The following LRRC4C variants were observed in gnomAD, a reference collection of about 807,000 sequenced individuals.
LRRC4C encodes leucine rich repeat containing 4C, also known as leucine-rich repeat-containing protein 4C.
A neutral mutation model predicts 33.6 loss-of-function variants in LRRC4C; 5 were observed. That is an observed-to-expected ratio of 0.15 (90% CI 0.08 to 0.31). The LOEUF is 0.31. Among genes scored for constraint, LRRC4C ranks in the 10% least tolerant of loss-of-function variants. The pLI, the probability that LRRC4C is intolerant of heterozygous loss-of-function variation, is 1.00. For missense variants in LRRC4C, 560 were observed against 796.7 expected (o/e 0.70, Z 3.58); for synonymous variants, 329 against 302.0 (o/e 1.09, Z -0.93).
At chr11:41,181,566 C>A (rs962337607) in intron 1 of LRRC4C, among the ~76,000 whole-genome samples, 1 of 152,184 alleles carries the variant, frequency 6.6e-6, no homozygotes, top group African/African-American at 2.4e-5. Flanking sequence ...GAAAGAGAGA[C>A]ATCTACCTTA....
At chr11:40,527,381 A>G (rs572455907) in intron 3 of LRRC4C, among the ~76,000 whole-genome samples, 1 of 152,188 alleles carries the variant, frequency 6.6e-6, no homozygotes, top group Non-Finnish European at 1.5e-5. Context: ...CCTTTGCAAA[A>G]TAATAGAGGA....
intron 3 of LRRC4C, among the ~76,000 whole-genome samples, chr11:40,454,560 T>A (rs1952045383): frequency 6.6e-6 from 1 of 152,200 alleles, no homozygotes; most frequent in African/African-American, 2.4e-5. Flanking sequence ...CTTGTGCGAT[T>A]CAACAACTTC....
Position 40,758,425 on chromosome 11 carries a change from T to C in LRRC4C, c.-406-110147A>G, listed in dbSNP as rs139170297. 8.7e-4 allele frequency among the ~76,000 whole-genome samples: 132 copies of C among 152,144 alleles called. No individual in the cohort carries two copies. The Middle Eastern group carries it at 0.01, about 12-fold the overall frequency. Reference sequence around the variant, plus strand: ...GTTCCTGTTTTAAGGATTTAAATAATTTAAATGCCCTCATTGACTGAAGAA... The same window carrying C: ...GTTCCTGTTTTAAGGATTTAAATAACTTAAATGCCCTCATTGACTGAAGAA... On this transcript the variant is annotated intron_variant, in intron 2 of 6. Transcript: ENST00000528697.
At chr11:40,193,711 T>A (rs2135643593) in intron 5 of LRRC4C, among the ~76,000 whole-genome samples, 1 of 152,134 alleles carries the variant, frequency 6.6e-6, no homozygotes, top group Middle Eastern at 3.4e-3. Context: ...AACCTTGATA[T>A]GAGGTTACAG....
rs375483877 is a variant in LRRC4C, at chr11:41,218,944, T to C, written c.-496+240487A>G. Among the ~76,000 whole-genome samples, 213 of 151,894 alleles carry C rather than the reference T, an allele frequency of 1.4e-3. 1 individual carries two copies. Among genetic ancestry groups the C allele is most frequent in the Middle Eastern group, 6.8e-3 (2 of 294 alleles). On this transcript the variant is annotated intron_variant, in intron 1 of 6. Coordinates refer to ENST00000528697, the MANE Select transcript of LRRC4C (RefSeq NM_001258419.2). ...CACCACGCCCGGCTAAATTTTTGTG[T>C]GTGTTTTTAGTAGAGACGGGGTTTC...
At chr11:40,348,195 G>T (rs1340012121) in intron 3 of LRRC4C, among the ~76,000 whole-genome samples, 1 of 127,272 alleles carries the variant, frequency 7.9e-6, no homozygotes, top group Non-Finnish European at 1.6e-5. Flanking sequence ...GTGACACAGA[G>T]ACATGTTATG....
chr11:40,722,620 A>C (rs1177082484), intron 2 of LRRC4C, among the ~76,000 whole-genome samples: 1 of 152,212 alleles, frequency 6.6e-6, no homozygotes, highest in Non-Finnish European at 1.5e-5. Flanking sequence ...ACTGACAACA[A>C]ATTTAAAAAG....
intron 1 of LRRC4C, among the ~76,000 whole-genome samples, chr11:41,193,209 G>T (rs1197986734): frequency 6.6e-6 from 1 of 152,042 alleles, no homozygotes; most frequent in Non-Finnish European, 1.5e-5. Context: ...TTGATGGTTT[G>T]TACCTGAAGT....
At chr11:40,710,153 G>A (rs1946386950) in intron 2 of LRRC4C, among the ~76,000 whole-genome samples, 1 of 152,150 alleles carries the variant, frequency 6.6e-6, no homozygotes, top group South Asian at 2.1e-4. Context: ...TTAGCTCGGA[G>A]AAGTTTGTTA....
intron 2 of LRRC4C, among the ~76,000 whole-genome samples, chr11:40,684,230 T>C (rs886444616): frequency 6.6e-6 from 1 of 151,932 alleles, no homozygotes; most frequent in Non-Finnish European, 1.5e-5. Context: ...CATAATTTAA[T>C]GAAAAGAGAA....
intron 2 of LRRC4C, among the ~76,000 whole-genome samples, chr11:40,825,033 A>G (rs1414170537): frequency 6.6e-6 from 1 of 151,974 alleles, no homozygotes; most frequent in Non-Finnish European, 1.5e-5. Flanking sequence ...GATGTTTATC[A>G]GTTATCCACT....
intron 3 of LRRC4C, among the ~76,000 whole-genome samples, chr11:40,599,044 T>C (rs1959684906): frequency 6.6e-6 from 1 of 152,188 alleles, no homozygotes; most frequent in Non-Finnish European, 1.5e-5. Flanking sequence ...TCTTCTTTTT[T>C]GTTTTTTGAA....
chr11:40,949,128 G>A (rs1490739450), intron 1 of LRRC4C, among the ~76,000 whole-genome samples: 16 of 151,796 alleles, frequency 1.1e-4, no homozygotes, highest in Admixed American at 2.6e-4. Context: ...GTGATGGTGA[G>A]CATTTTTTCA....
At chr11:40,795,691 T>C (rs1254304031) in intron 2 of LRRC4C, among the ~76,000 whole-genome samples, 2 of 152,182 alleles carry the variant, frequency 1.3e-5, no homozygotes, top group Non-Finnish European at 2.9e-5. Flanking sequence ...AAACAAGCTG[T>C]TTATTTTGAG....
At chr11:40,770,900 A>AC (rs533791217) in intron 2 of LRRC4C, among the ~76,000 whole-genome samples, 39 of 151,148 alleles carry the variant, frequency 2.6e-4, no homozygotes, top group Admixed American at 2.6e-4. Flanking sequence ...GCAGGTTACA[A>AC]CCCCCCCTCC....
intron 2 of LRRC4C, among the ~76,000 whole-genome samples, chr11:40,844,516 G>A (rs1182555723): frequency 6.6e-6 from 1 of 152,102 alleles, no homozygotes; most frequent in Admixed American, 6.6e-5. Context: ...CCTCTTGCTA[G>A]TGATATGACT....
At chr11:40,409,191 C>A (rs1950067876) in intron 3 of LRRC4C, among the ~76,000 whole-genome samples, 1 of 151,828 alleles carries the variant, frequency 6.6e-6, no homozygotes, top group Non-Finnish European at 1.5e-5. Context: ...TATTGGATAT[C>A]CACATGCAGA....
intron 1 of LRRC4C, among the ~76,000 whole-genome samples, chr11:41,457,135 G>C (rs1259502454): frequency 6.6e-6 from 1 of 152,154 alleles, no homozygotes; most frequent in Non-Finnish European, 1.5e-5. Flanking sequence ...GTAGTATTGA[G>C]AATAATCTAT....
At chr11:41,311,460 T>C (rs1950640783) in intron 1 of LRRC4C, among the ~76,000 whole-genome samples, 1 of 152,218 alleles carries the variant, frequency 6.6e-6, no homozygotes, top group Non-Finnish European at 1.5e-5. Context: ...GTTAATGTGT[T>C]TAGTTACATC....
Sources: gnomAD v4.1 joint callset for allele counts (sites outside exome capture counted in the v4.1 genomes callset) on GRCh38, gnomAD v4.1.1 for gene constraint, MANE v1.5 for transcripts, NCBI Gene and HGNC (gene_info 2026-07-23, HGNC 2026-07-21) for gene names.